STAC: variants seen among roughly 807,000 people sequenced by gnomAD.
STAC encodes the protein SH3 and cysteine-rich domain-containing protein.
A neutral mutation model predicts 48.8 loss-of-function variants in STAC; 43 were observed. The observed-to-expected ratio is 0.88, with a 90% CI of 0.69 to 1.14. The LOEUF is 1.14. Ranked by LOEUF, STAC falls within the 50% of genes most tolerant of loss-of-function variation. The pLI is 0.00. For synonymous variants in STAC, 193 were observed against 179.5 expected (o/e 1.07, Z -0.60); for missense variants, 497 against 504.0 (o/e 0.99, Z 0.13).
intron 1 of STAC, among the ~76,000 whole-genome samples, chr3:36,393,744 G>C (rs1205657998): frequency 1.3e-5 from 2 of 150,102 alleles, no homozygotes; most frequent in African/African-American, 4.9e-5. Flanking sequence ...AAGGCCCTCA[G>C]CAGGAAATTG....
chr3:36,454,157 CCACGCT>C (rs1309272093), intron 2 of STAC, among the ~76,000 whole-genome samples: 1 of 152,172 alleles, frequency 6.6e-6, no homozygotes, highest in Admixed American at 6.5e-5. Context: ...GGATCCTCTT[CCACGCT>C]GTGGAAGCTT....
chr3:36,490,346 C>T (rs1697935088), intron 5 of STAC, among the ~76,000 whole-genome samples: 1 of 152,192 alleles, frequency 6.6e-6, no homozygotes, highest in South Asian at 2.1e-4. Context: ...AGCTTGCAAC[C>T]ATCTCCCCTT....
chr3:36,461,613 A>G (rs1697018788), intron 2 of STAC, among the ~76,000 whole-genome samples: 1 of 152,176 alleles, frequency 6.6e-6, no homozygotes. Flanking sequence ...ACAAGAAGAG[A>G]AAGAAGTGCA....
chr3:36,448,516 C>T (rs1696584773), intron 2 of STAC, among the ~76,000 whole-genome samples: 1 of 152,128 alleles, frequency 6.6e-6, no homozygotes, highest in Non-Finnish European at 1.5e-5. Flanking sequence ...CCACCGCACC[C>T]AGCCTGGTCA....
At chr3:36,496,408 C>A (rs545165958) in intron 6 of STAC, among the ~76,000 whole-genome samples, 6 of 152,306 alleles carry the variant, frequency 3.9e-5, no homozygotes, top group African/African-American at 1.4e-4. Flanking sequence ...TGTTCAGAAG[C>A]AGTGTCTAGG....
At chr3:36,446,471 T>C (rs1439472442) in intron 2 of STAC, among the ~76,000 whole-genome samples, 1 of 152,216 alleles carries the variant, frequency 6.6e-6, no homozygotes, top group African/African-American at 2.4e-5. Context: ...TCTTAGGCCT[T>C]GACAATCAGT....
chr3:36,432,625 C>T (rs2125654713), intron 1 of STAC, among the ~76,000 whole-genome samples: 1 of 152,146 alleles, frequency 6.6e-6, no homozygotes, highest in South Asian at 2.1e-4. Flanking sequence ...ATTTCTTGAG[C>T]CCAGGAGGCG....
intron 1 of STAC, among the ~76,000 whole-genome samples, chr3:36,433,781 C>CT (rs1448317789): frequency 6.6e-6 from 1 of 152,210 alleles, no homozygotes; most frequent in Non-Finnish European, 1.5e-5. Context: ...GCTTGAGAGA[C>CT]TTGCCCAAGA....
chr3:36,485,963 G>A (rs1288765406), intron 4 of STAC, 171 bp from the exon 5 acceptor site: 84 of 588,560 alleles, frequency 1.4e-4, no homozygotes, highest in South Asian at 1.2e-3. Context: ...CATGCTGGGT[G>A]GGGGTGCATC....
intron 1 of STAC, among the ~76,000 whole-genome samples, chr3:36,441,711 A>T (rs1210971448): frequency 6.6e-6 from 1 of 152,220 alleles, no homozygotes; most frequent in Non-Finnish European, 1.5e-5. Context: ...CATTCCCACA[A>T]ACAAAATGTC....
intron 2 of STAC, among the ~76,000 whole-genome samples, chr3:36,456,106 T>G (rs1177069608): frequency 6.6e-6 from 1 of 151,840 alleles, no homozygotes; most frequent in African/African-American, 2.4e-5. Context: ...GTCAGGGAAG[T>G]ATGTTTCTGT....
intron 5 of STAC, among the ~76,000 whole-genome samples, chr3:36,489,432 T>C (rs1033237844): frequency 2.1e-4 from 32 of 152,336 alleles, no homozygotes; most frequent in African/African-American, 7.7e-4. Flanking sequence ...GTCCAGACAT[T>C]CAAACTATCT....
intron 1 of STAC, among the ~76,000 whole-genome samples, chr3:36,432,546 A>T (rs1700730495): frequency 6.6e-6 from 1 of 152,064 alleles, no homozygotes; most frequent in African/African-American, 2.4e-5. Flanking sequence ...TACTAAAAAT[A>T]CAAAAATTAG....
chr3:36,535,493 A>C (rs1442773930), intron 10 of STAC, among the ~76,000 whole-genome samples: 3 of 152,154 alleles, frequency 2.0e-5, no homozygotes, highest in African/African-American at 7.2e-5. Flanking sequence ...CCTGGCCAGA[A>C]CTTCTAATAC....
chr3:36,492,032 ATATATATATATATATATATAT>A (rs1305002256), intron 5 of STAC, among the ~76,000 whole-genome samples: 9 of 10,532 alleles, frequency 8.5e-4, no homozygotes, highest in Admixed American at 1.9e-3. Flanking sequence ...AAAAAAAAAA[ATATATATATATATATATATAT>A]ATATATATAT....
chr3:36,493,355 A>G (rs1029666521), intron 6 of STAC, 126 bp downstream of exon 6: 18 of 807,860 alleles, frequency 2.2e-5, no homozygotes, highest in Non-Finnish European at 6.0e-6. Context: ...GCGAGTGTTC[A>G]ATGTTCTGGA....
intron 1 of STAC, among the ~76,000 whole-genome samples, chr3:36,402,191 C>T (rs1700010611): frequency 1.3e-5 from 2 of 151,844 alleles, no homozygotes; most frequent in African/African-American, 2.4e-5. Flanking sequence ...CTATTCCCTA[C>T]AAAGCCAAAG....
At chr3:36,539,121 T>C (rs991416449) in intron 10 of STAC, among the ~76,000 whole-genome samples, 2 of 152,244 alleles carry the variant, frequency 1.3e-5, no homozygotes, top group Non-Finnish European at 2.9e-5. Flanking sequence ...TTGCTTCTAA[T>C]ACATGTTAGT....
chr3:36,400,801 A>G (rs745428430), intron 1 of STAC, among the ~76,000 whole-genome samples: 2 of 152,106 alleles, frequency 1.3e-5, no homozygotes, highest in Admixed American at 6.5e-5. Flanking sequence ...TATCCATCCT[A>G]TTTGTTTATT....
Sources: gnomAD v4.1 joint callset for allele counts (sites outside exome capture counted in the v4.1 genomes callset) on GRCh38, gnomAD v4.1.1 for gene constraint, MANE v1.5 for transcripts, NCBI Gene and HGNC (gene_info 2026-07-23, HGNC 2026-07-21) for gene names.